The following APBA2 variants were observed in gnomAD, a reference collection of about 807,000 sequenced individuals.
The protein encoded by APBA2 is amyloid-beta A4 precursor protein-binding family A member 2.
In APBA2, 30 loss-of-function variants were observed where a neutral mutation model predicts 75.0. The ratio of observed to expected loss-of-function variants is 0.40; its 90% CI spans 0.30 to 0.54. APBA2 has a LOEUF of 0.54. Ranked by LOEUF, APBA2 falls within the 20% of genes least tolerant of loss-of-function variation. The pLI is 0.49. For synonymous variants in APBA2, 444 were observed against 409.6 expected (o/e 1.08, Z -1.01); for missense variants, 801 against 1,016.1 (o/e 0.79, Z 2.88).
intron 6 of APBA2, among the ~76,000 whole-genome samples, chr15:29,081,939 A>T (rs569206221): frequency 1.3e-5 from 2 of 152,334 alleles, no homozygotes; most frequent in East Asian, 3.9e-4. Flanking sequence ...AGCAACTCTG[A>T]TAGACACGGG....
intron 14 of APBA2, among the ~76,000 whole-genome samples, chr15:29,114,579 T>C (rs1379179046): frequency 3.3e-5 from 5 of 149,636 alleles, no homozygotes; most frequent in Non-Finnish European, 7.4e-5. Flanking sequence ...CGGGTGTGCG[T>C]GTGTGTGTGT....
intron 2 of APBA2, among the ~76,000 whole-genome samples, chr15:28,944,511 G>A (rs1447281244): frequency 6.6e-6 from 1 of 152,178 alleles, no homozygotes; most frequent in Admixed American, 6.5e-5. Flanking sequence ...ACCACCCTGC[G>A]GACTCGCTCC....
At chr15:29,025,257 A>C (rs4779694) in intron 3 of APBA2, among the ~76,000 whole-genome samples, 55,331 of 150,280 alleles carry the variant, frequency 0.37, 16,848 homozygotes, top group African/African-American at 0.81. Context: ...GGAAACAAGA[A>C]TTGGGATTTT....
chr15:29,020,352 G>A (rs1033268146), intron 3 of APBA2, among the ~76,000 whole-genome samples: 11 of 151,654 alleles, frequency 7.3e-5, no homozygotes, highest in South Asian at 2.1e-4. Context: ...TTTATTTAGG[G>A]ATTATAAGAA....
chr15:28,999,642 T>C (rs2038739830), intron 3 of APBA2, among the ~76,000 whole-genome samples: 1 of 152,048 alleles, frequency 6.6e-6, no homozygotes, highest in South Asian at 2.1e-4. Flanking sequence ...TCTAGTAAGG[T>C]TGAAATGTGG....
At position 28,991,024 on chromosome 15, in the gene APBA2, G is replaced by T. The variant is rs1244877868; in HGVS notation, c.-94-4729G>T. Among the ~76,000 whole-genome samples the T allele has an allele frequency of 6.6e-6, 1 of 152,174 alleles. No homozygotes were observed. The highest frequency in any genetic ancestry group is 1.5e-5 in the Non-Finnish European group (1 of 68,028). ...TTCTATTCTAAAGGCTCAGCTTCTTGCCCAGGAGAAAAATAATACATGCTC... is the reference window on the plus strand; with the variant it reads ...TTCTATTCTAAAGGCTCAGCTTCTTTCCCAGGAGAAAAATAATACATGCTC... On this transcript the variant is annotated intron_variant, in intron 2 of 14. Coordinates refer to ENST00000683413, the MANE Select transcript of APBA2 (RefSeq NM_001353788.2). The surrounding 1 kb of genome is among the most constrained non-coding windows in gnomAD (Gnocchi z 4.7).
intron 2 of APBA2, among the ~76,000 whole-genome samples, chr15:28,928,492 C>G (rs779506915): frequency 6.6e-6 from 1 of 152,044 alleles, no homozygotes; most frequent in African/African-American, 2.4e-5. Context: ...GGCCAGCGGT[C>G]TATAGTCTTC....
chr15:28,951,211 T>C (rs1204928998), intron 2 of APBA2, among the ~76,000 whole-genome samples: 2 of 152,238 alleles, frequency 1.3e-5, no homozygotes, highest in African/African-American at 4.8e-5. Context: ...ATTTAAAATA[T>C]ATTGAAGAAT....
At chr15:29,025,614 G>A (rs764183814) in intron 3 of APBA2, among the ~76,000 whole-genome samples, 5 of 152,104 alleles carry the variant, frequency 3.3e-5, no homozygotes, top group Non-Finnish European at 7.4e-5. Flanking sequence ...AGGGGAGACG[G>A]ATGGTGGTGG....
chr15:28,900,890 A>G lies in APBA2; in HGVS notation c.-205+14612A>G, dbSNP rs867597388. Among the ~76,000 whole-genome samples the G allele has an allele frequency of 1.2e-4, 19 of 152,206 alleles. 1 individual carries two copies. In the Middle Eastern group the frequency reaches 0.01, roughly 82 times the overall value. ...ATGTATTGTAAATTGTATATTTACA[A>G]CTTACCCTTGTCCACATGCATGCGG... On this transcript the variant is annotated intron_variant, in intron 1 of 14. Coordinates refer to ENST00000683413, the MANE Select transcript of APBA2 (RefSeq NM_001353788.2).
intron 3 of APBA2, among the ~76,000 whole-genome samples, chr15:29,031,575 T>A (rs1161859618): frequency 6.6e-6 from 1 of 152,166 alleles, no homozygotes; most frequent in Non-Finnish European, 1.5e-5. Flanking sequence ...GTTCAAGTGA[T>A]TCTCTGCCTT....
At chr15:29,031,483 T>C (rs2040485249) in intron 3 of APBA2, among the ~76,000 whole-genome samples, 1 of 152,090 alleles carries the variant, frequency 6.6e-6, no homozygotes, top group Non-Finnish European at 1.5e-5. Context: ...TATCTTTTTT[T>C]TTTGAGATGG....
At chr15:29,021,947 C>T (rs563133799) in intron 3 of APBA2, among the ~76,000 whole-genome samples, 11 of 152,136 alleles carry the variant, frequency 7.2e-5, no homozygotes, top group African/African-American at 7.2e-5. Flanking sequence ...CAGTTTCATC[C>T]GTGTGGCTGT....
chr15:28,972,967 G>A (rs1304723053), intron 2 of APBA2, among the ~76,000 whole-genome samples: 1 of 152,098 alleles, frequency 6.6e-6, no homozygotes, highest in Non-Finnish European at 1.5e-5. Context: ...TAGCATATTT[G>A]CATTACTTAT....
chr15:29,083,281 C>G (rs1437656238), intron 6 of APBA2, among the ~76,000 whole-genome samples: 1 of 152,028 alleles, frequency 6.6e-6, no homozygotes, highest in Non-Finnish European at 1.5e-5. Context: ...CTGCCTTTAC[C>G]GTACCCAAAT....
At chr15:28,920,050 C>T (rs2152667950) in intron 1 of APBA2, among the ~76,000 whole-genome samples, 1 of 152,276 alleles carries the variant, frequency 6.6e-6, no homozygotes, top group Middle Eastern at 3.4e-3. Flanking sequence ...TGAGGGTTTA[C>T]TGGCCAGCAG....
intron 6 of APBA2, among the ~76,000 whole-genome samples, chr15:29,090,867 G>A (rs898818122): frequency 6.6e-6 from 1 of 152,154 alleles, no homozygotes; most frequent in Non-Finnish European, 1.5e-5. Context: ...CCCACAGCCA[G>A]ATGCCATAAA....
intron 1 of APBA2, among the ~76,000 whole-genome samples, chr15:28,898,483 G>C: frequency 6.6e-6 from 1 of 152,208 alleles, no homozygotes; most frequent in East Asian, 1.9e-4. Flanking sequence ...CCAGATGCTA[G>C]AGTGTGTAAT....
intron 2 of APBA2, among the ~76,000 whole-genome samples, chr15:28,949,699 G>A (rs1370395084): frequency 6.6e-6 from 1 of 152,122 alleles, no homozygotes; most frequent in African/African-American, 2.4e-5. Context: ...GAACTCCTGG[G>A]CTCAAGTGAT....
Sources: allele counts gnomAD v4.1 joint callset (sites outside exome capture counted in the v4.1 genomes callset), GRCh38; gene constraint gnomAD v4.1.1; non-coding constraint Gnocchi (gnomAD v3.1); transcripts MANE v1.5; gene names NCBI Gene and HGNC (gene_info 2026-07-23, HGNC 2026-07-21).